The following COL8A1 variants were observed in gnomAD, a reference collection of about 807,000 sequenced individuals.
COL8A1 encodes collagen type VIII alpha 1 chain.
In COL8A1, 21 loss-of-function variants were observed where a neutral mutation model predicts 42.7. The observed-to-expected ratio is 0.49, with a 90% CI of 0.35 to 0.71. The LOEUF is 0.71. COL8A1 is among the 30% of genes least tolerant of loss of function. The pLI is 0.01. For synonymous variants in COL8A1, 367 were observed against 369.1 expected, an observed-to-expected ratio of 0.99 and a Z score of 0.06; for missense variants, 788 against 962.4, an observed-to-expected ratio of 0.82 and a Z score of 2.40.
chr3:99,652,937 G>A (rs4928213), intron 1 of COL8A1, among the ~76,000 whole-genome samples: 21,868 of 152,088 alleles, frequency 0.14, 1,770 homozygotes, highest in African/African-American at 0.21. Context: ...TGAATAAAAA[G>A]CACTGAAGTT....
intron 2 of COL8A1, among the ~76,000 whole-genome samples, chr3:99,782,296 G>C (rs891160774): frequency 5.9e-5 from 9 of 152,154 alleles, no homozygotes; most frequent in African/African-American, 1.9e-4. Flanking sequence ...TAAGAAGGGA[G>C]AGTGCAATAT....
At chr3:99,639,571 A>C (rs755426416) in intron 1 of COL8A1, among the ~76,000 whole-genome samples, 1 of 152,206 alleles carries the variant, frequency 6.6e-6, no homozygotes, top group Non-Finnish European at 1.5e-5. Context: ...TCCAATTATC[A>C]GAGATATTCA....
chr3:99,755,993 T>C (rs961185135), intron 2 of COL8A1, among the ~76,000 whole-genome samples: 1 of 151,926 alleles, frequency 6.6e-6, no homozygotes, highest in African/African-American at 2.4e-5. Context: ...ACTCCGCACA[T>C]GAATGGAGAC....
chr3:99,699,801 T>TCAAATA (rs761192075), intron 1 of COL8A1, among the ~76,000 whole-genome samples: 21 of 152,076 alleles, frequency 1.4e-4, no homozygotes, highest in Non-Finnish European at 2.5e-4. Flanking sequence ...CCGTCCCACC[T>TCAAATA]CACATACACA....
intron 1 of COL8A1, among the ~76,000 whole-genome samples, chr3:99,705,520 C>A (rs1939656968): frequency 6.6e-6 from 1 of 152,188 alleles, no homozygotes; most frequent in Non-Finnish European, 1.5e-5. Context: ...TTATTTATTT[C>A]TCTCCCTTTC....
At chr3:99,721,536 C>T (rs986156060) in intron 1 of COL8A1, among the ~76,000 whole-genome samples, 1 of 151,738 alleles carries the variant, frequency 6.6e-6, no homozygotes, top group African/African-American at 2.4e-5. Context: ...CCTGGGGATG[C>T]CCACAGGAGG....
In COL8A1 at chr3:99,639,479, C is replaced by T. The variant is rs1382623785; in HGVS notation, c.-129+815C>T. Reference sequence around the variant, plus strand: ...CCAGATGGTTGTAAAGAAAGATCAGCGAGAAAGGCTTTGGAAGTTTTAATC... The same window carrying T: ...CCAGATGGTTGTAAAGAAAGATCAGTGAGAAAGGCTTTGGAAGTTTTAATC... On this transcript the variant is annotated intron_variant, in intron 1 of 3. Transcript: ENST00000652472. Among the ~76,000 whole-genome samples the T allele has an allele frequency of 2.6e-5, 4 of 152,202 alleles. No individual in the cohort carries two copies. The East Asian group carries it at 7.7e-4, about 29-fold the overall frequency.
At chr3:99,736,732 T>C (rs1335979837) in intron 1 of COL8A1, among the ~76,000 whole-genome samples, 7 of 152,090 alleles carry the variant, frequency 4.6e-5, no homozygotes, top group Admixed American at 2.0e-4. Flanking sequence ...GAGAGTTCTG[T>C]AGATGTCTAT....
At chr3:99,762,323 T>A (rs1383250102) in intron 2 of COL8A1, among the ~76,000 whole-genome samples, 1 of 152,160 alleles carries the variant, frequency 6.6e-6, no homozygotes, top group Non-Finnish European at 1.5e-5. Flanking sequence ...TTGTCATGCT[T>A]TGGGCAAAAG....
chr3:99,667,580 A>G (rs1268766334), intron 1 of COL8A1, among the ~76,000 whole-genome samples: 6 of 152,140 alleles, frequency 3.9e-5, no homozygotes, highest in African/African-American at 1.2e-4. Flanking sequence ...TCAGTACTTT[A>G]GAGTGAATTT....
intron 1 of COL8A1, among the ~76,000 whole-genome samples, chr3:99,708,836 C>T (rs990586896): frequency 1.3e-5 from 2 of 152,202 alleles, no homozygotes; most frequent in Middle Eastern, 3.4e-3. Flanking sequence ...AAATTAGACC[C>T]GGGGTGCATA....
intron 1 of COL8A1, among the ~76,000 whole-genome samples, chr3:99,740,531 G>A (rs949142106): frequency 2.6e-5 from 4 of 152,146 alleles, no homozygotes; most frequent in Admixed American, 1.3e-4. Flanking sequence ...GTGAAACAGG[G>A]AGAAGCCTCT....
chr3:99,721,390 GAAAGGAA>G (rs1454692965), intron 1 of COL8A1, among the ~76,000 whole-genome samples: 9 of 143,978 alleles, frequency 6.3e-5, no homozygotes, highest in African/African-American at 2.1e-4. Context: ...AAAAAGAAAG[GAAAGGAA>G]AAAGGAAAAG....
chr3:99,768,205 A>C (rs188169379), intron 2 of COL8A1, among the ~76,000 whole-genome samples: 38 of 152,342 alleles, frequency 2.5e-4, no homozygotes, highest in Admixed American at 2.3e-3. Context: ...ATACCGAAAG[A>C]CATTTTCTTT....
At chr3:99,781,394 T>A (rs1002323570) in intron 2 of COL8A1, among the ~76,000 whole-genome samples, 20 of 152,180 alleles carry the variant, frequency 1.3e-4, no homozygotes, top group African/African-American at 4.3e-4. Flanking sequence ...TTTAATATTC[T>A]CCCCATGTAA....
chr3:99,792,049 T>C (rs948657191), intron 3 of COL8A1, among the ~76,000 whole-genome samples: 5 of 152,166 alleles, frequency 3.3e-5, no homozygotes, highest in African/African-American at 1.2e-4. Context: ...GGATTCCTGA[T>C]TCATCTCTCC....
At chr3:99,711,158 T>C (rs945411432) in intron 1 of COL8A1, among the ~76,000 whole-genome samples, 1 of 152,192 alleles carries the variant, frequency 6.6e-6, no homozygotes, top group African/African-American at 2.4e-5. Context: ...TGGTCAGTCC[T>C]GCTTTTCACC....
chr3:99,769,435 T>C (rs1576469861), intron 2 of COL8A1, among the ~76,000 whole-genome samples: 1 of 152,250 alleles, frequency 6.6e-6, no homozygotes, highest in African/African-American at 2.4e-5. Context: ...CAACTATTCA[T>C]GTGCTTCTTG....
chr3:99,688,021 G>A (rs1161183344), intron 1 of COL8A1, among the ~76,000 whole-genome samples: 2 of 152,164 alleles, frequency 1.3e-5, no homozygotes, highest in Admixed American at 6.5e-5. Flanking sequence ...CAATATTCAT[G>A]CAAAATCCCA....
Sources: allele counts gnomAD v4.1 joint callset (sites outside exome capture counted in the v4.1 genomes callset), GRCh38; gene constraint gnomAD v4.1.1; transcripts MANE v1.5; gene names NCBI Gene and HGNC (gene_info 2026-07-23, HGNC 2026-07-21).